LARP4B: variants seen among roughly 807,000 people sequenced by gnomAD.
The protein encoded by LARP4B is la-related protein 4B.
A neutral mutation model predicts 89.8 loss-of-function variants in LARP4B; 12 were observed. That is an observed-to-expected ratio of 0.13 (90% CI 0.09 to 0.22). The LOEUF (loss-of-function observed/expected upper bound fraction) is 0.22, where lower values mean the gene tolerates loss of function less well. Ranked by LOEUF, LARP4B falls within the 10% of genes least tolerant of loss-of-function variation. LARP4B has a pLI of 1.00. For missense variants in LARP4B, 757 were observed against 947.7 expected, an observed-to-expected ratio of 0.80 and a Z score of 2.64; for synonymous variants, 367 against 363.3, an observed-to-expected ratio of 1.01 and a Z score of -0.12.
chr10:887,370 T>G (rs919937145), intron 1 of LARP4B, among the ~76,000 whole-genome samples: 1 of 151,428 alleles, frequency 6.6e-6, no homozygotes, highest in Admixed American at 6.6e-5. Context: ...CATTTCACTA[T>G]GTATATCAAA....
At chr10:982,761 C>T in the LARP4B span, among the ~76,000 whole-genome samples, 1 of 152,010 alleles carries the variant, frequency 6.6e-6, no homozygotes, top group Non-Finnish European at 1.5e-5. Flanking sequence ...ATGAGAATAG[C>T]TTAAAATAAA....
intron 9 of LARP4B, 46 bp downstream of exon 9, chr10:830,821 A>C (rs766744791): frequency 5.9e-6 from 5 of 841,616 alleles, no homozygotes; most frequent in Non-Finnish European, 1.0e-5. Flanking sequence ...AATAGTAAAA[A>C]CTGGTAAACT....
intron 13 of LARP4B, 34 bp downstream of exon 13, chr10:825,031 T>G: frequency 6.4e-7 from 1 of 1,562,890 alleles, no homozygotes; most frequent in Non-Finnish European, 8.7e-7. Context: ...AATATTAGTT[T>G]ATGATGTTAC....
intron 11 of LARP4B, among the ~76,000 whole-genome samples, chr10:826,652 G>T (rs1036197371): frequency 1.3e-5 from 2 of 152,082 alleles, no homozygotes; most frequent in Non-Finnish European, 1.5e-5. Context: ...CTGGCTTCTG[G>T]ACCCATGGTT....
the LARP4B span, among the ~76,000 whole-genome samples, chr10:948,051 G>T: frequency 1.3e-5 from 2 of 151,990 alleles, no homozygotes; most frequent in Non-Finnish European, 2.9e-5. Flanking sequence ...CAAGAGTGAG[G>T]TCCTCCTGCC....
intron 1 of LARP4B, among the ~76,000 whole-genome samples, chr10:906,065 T>C (rs928004004): frequency 6.6e-6 from 1 of 152,256 alleles, no homozygotes; most frequent in African/African-American, 2.4e-5. Context: ...AGCTATTTTA[T>C]ACATCTTCAT....
intron 8 of LARP4B, among the ~76,000 whole-genome samples, chr10:831,947 CAT>C (rs1346225067): frequency 3.9e-5 from 6 of 152,198 alleles, no homozygotes. Context: ...ACTTAATACA[CAT>C]AACACATTTA....
chr10:932,024 T>A (rs1415470647), upstream of LARP4B, among the ~76,000 whole-genome samples: 4 of 116,974 alleles, frequency 3.4e-5, no homozygotes, highest in Admixed American at 2.2e-4. Context: ...CCGGAGCGCC[T>A]GACGCTGGGG....
rs1379361218 is a variant in LARP4B, at chr10:864,241, G to T, written c.171C>A (p.Asn57Lys). The T allele has an allele frequency of 2.5e-6, 4 of 1,614,006 alleles. No individual in the cohort carries two copies. The highest frequency in any genetic ancestry group is 1.3e-5 in the African/African-American group (1 of 74,904). Residue 57 changes from asparagine to lysine, a missense_variant, in exon 4 of 18, where the codon AAC becomes AAA. Around this residue, in one of 5 missense-constraint regions of LARP4B, gnomAD observed 175 missense variants for 187.0 expected, o/e 0.94. Transcript: ENST00000316157. ...QVPATKVSEL[N>K]PNAEVWGAPV... is the part of the protein sequence containing the mutation. The stretch of plus-strand genomic sequence containing the variant: ...GAGCCCCCCACACTTCTGCATTAGG[G>T]TTCAGCTCTGAAACCTTAGTTGCTG...
intron 1 of LARP4B, among the ~76,000 whole-genome samples, chr10:890,361 G>GA (rs1311870931): frequency 6.6e-6 from 1 of 152,170 alleles, no homozygotes; most frequent in Non-Finnish European, 1.5e-5. Flanking sequence ...AGCTAGCAGA[G>GA]AAAAAATGCT....
rs1208116960 is a variant in LARP4B, at chr10:829,273, T to C, written c.1125+112A>G. 5.7e-6 allele frequency: 5 copies of C among 870,234 alleles called. No individual in the cohort carries two copies. In the East Asian group the frequency reaches 1.3e-4, roughly 23 times the overall value. 53.9% of individuals were successfully genotyped at this position (870,234 alleles called of 1,614,324 possible). On this transcript the variant is annotated intron_variant, in intron 11 of 17. Transcript: ENST00000316157. ...CCCCACATAACTTGAAGGTCTGTTTTAGTATGTCAGACTGCACACATATCT... is the reference window on the plus strand; with the variant it reads ...CCCCACATAACTTGAAGGTCTGTTTCAGTATGTCAGACTGCACACATATCT...
At chr10:945,379 G>C in the LARP4B span, among the ~76,000 whole-genome samples, 1 of 125,300 alleles carries the variant, frequency 8.0e-6, no homozygotes. Flanking sequence ...GTGAGACTCT[G>C]TCTCAAAAAA....
chr10:885,236 A>C (rs11816064), intron 2 of LARP4B, among the ~76,000 whole-genome samples: 24,350 of 152,080 alleles, frequency 0.16, 2,096 homozygotes, highest in Non-Finnish European at 0.19. Flanking sequence ...CCTGAACACA[A>C]CAGCCTTGCT....
intron 5 of LARP4B, among the ~76,000 whole-genome samples, chr10:848,573 A>AAG (rs1341936236): frequency 2.0e-5 from 3 of 152,212 alleles, no homozygotes; most frequent in African/African-American, 4.8e-5. Context: ...TATTAAAAAA[A>AAG]AAAAAGAAAA....
intron 1 of LARP4B, among the ~76,000 whole-genome samples, chr10:904,654 C>T (rs942280632): frequency 2.0e-5 from 3 of 151,956 alleles, no homozygotes; most frequent in African/African-American, 7.3e-5. Flanking sequence ...ACCTTTTAAT[C>T]ACAACACAGC....
At chr10:889,883 AG>A (rs1835966658) in intron 1 of LARP4B, among the ~76,000 whole-genome samples, 1 of 152,188 alleles carries the variant, frequency 6.6e-6, no homozygotes, top group Non-Finnish European at 1.5e-5. Context: ...CAGAGGTTGC[AG>A]TGAGCCGAGA....
Position 830,926 on chromosome 10 carries a change from C to T in LARP4B, c.802G>A (p.Glu268Lys). ...GDNLPKFINC[E>K]FAYNDNWFIT... ...AACCAATTATCATTATATGCAAATT[C>T]ACAGTTTATAAATTTTGGTAAATTA... is the stretch of plus-strand genomic sequence containing the variant. Residue 268 changes from glutamate (E) to lysine (K), a missense_variant, in exon 9 of 18, where the codon GAA (glutamate) becomes AAA (lysine). This residue lies in a region of LARP4B where 137 missense variants were observed against 213.9 expected (regional missense o/e 0.64). Transcript: ENST00000316157. The T allele has an allele frequency of 7.0e-7, 1 of 1,419,078 alleles. No individual in the cohort carries two copies. Among genetic ancestry groups the T allele is most frequent in the South Asian group, 1.2e-5 (1 of 85,060 alleles). 87.9% of individuals were successfully genotyped at this position (1,419,078 alleles called of 1,614,324 possible).
At chr10:935,346 A>G (rs566038793), upstream of LARP4B, among the ~76,000 whole-genome samples, 7 of 152,264 alleles carry the variant, frequency 4.6e-5, no homozygotes, top group African/African-American at 1.7e-4. Context: ...CTTAGGTCCT[A>G]ATGGATGTGA....
intron 7 of LARP4B, among the ~76,000 whole-genome samples, chr10:838,814 T>C (rs1833366980): frequency 1.3e-5 from 2 of 152,250 alleles, no homozygotes; most frequent in Admixed American, 1.3e-4. Flanking sequence ...TGCATACAGA[T>C]GTTTATAGCA....
Sources: gnomAD v4.1 joint callset for allele counts (sites outside exome capture counted in the v4.1 genomes callset) on GRCh38, gnomAD v4.1.1 for gene constraint, gnomAD v4.1.1 regional missense constraint, MANE v1.5 for transcripts, NCBI Gene and HGNC (gene_info 2026-07-23, HGNC 2026-07-21) for gene names.